Variants in KCNH7 observed in about 807,000 individuals in gnomAD.
KCNH7 encodes voltage-gated inwardly rectifying potassium channel KCNH7.
In KCNH7, 49 loss-of-function variants were observed where a neutral mutation model predicts 120.8. That is an observed-to-expected ratio of 0.41 (90% CI 0.32 to 0.51). KCNH7 has a LOEUF of 0.51. Ranked by LOEUF, KCNH7 falls within the 20% of genes least tolerant of loss-of-function variation. The pLI, the probability that KCNH7 is intolerant of heterozygous loss-of-function variation, is 0.38. For synonymous variants in KCNH7, 547 were observed against 516.1 expected (o/e 1.06, Z -0.81); for missense variants, 1,097 against 1,446.6 (o/e 0.76, Z 3.92).
At chr2:162,387,033 C>A (rs1176884647) in intron 12 of KCNH7, among the ~76,000 whole-genome samples, 2 of 150,792 alleles carry the variant, frequency 1.3e-5, no homozygotes, top group Non-Finnish European at 3.0e-5. Flanking sequence ...GGACAGAATT[C>A]TTTAGCAAAA....
At chr2:162,413,778 T>TA (rs914372223) in intron 9 of KCNH7, among the ~76,000 whole-genome samples, 40 of 149,972 alleles carry the variant, frequency 2.7e-4, no homozygotes, top group East Asian at 3.9e-4. Flanking sequence ...TAGATAATAT[T>TA]AAAAAAAAAC....
At chr2:162,601,477 C>G (rs1026408716) in intron 2 of KCNH7, among the ~76,000 whole-genome samples, 1 of 119,056 alleles carries the variant, frequency 8.4e-6, no homozygotes, top group Non-Finnish European at 1.6e-5. Flanking sequence ...TAAATCAGGA[C>G]ACAAATAACC....
intron 6 of KCNH7, among the ~76,000 whole-genome samples, chr2:162,498,491 T>TG (rs565323164): frequency 0.096 from 1,389 of 14,500 alleles, 21 homozygotes; most frequent in African/African-American, 0.26. Context: ...TCTGTGTGTG[T>TG]GGGGGGGAGG....
At chr2:162,492,556 C>T (rs576129963) in intron 6 of KCNH7, among the ~76,000 whole-genome samples, 1 of 152,266 alleles carries the variant, frequency 6.6e-6, no homozygotes, top group East Asian at 1.9e-4. Flanking sequence ...TTTCTTAAAT[C>T]TTCCCTTCCC....
At chr2:162,625,728 G>C (rs148870340) in intron 2 of KCNH7, among the ~76,000 whole-genome samples, 6 of 152,128 alleles carry the variant, frequency 3.9e-5, no homozygotes, top group Admixed American at 2.6e-4. Context: ...GAGCCGCAGC[G>C]TTGGGGATTA....
At chr2:162,529,107 T>G (rs1263352857) in intron 3 of KCNH7, among the ~76,000 whole-genome samples, 2 of 151,912 alleles carry the variant, frequency 1.3e-5, no homozygotes, top group Non-Finnish European at 2.9e-5. Flanking sequence ...CTAAAGGAGA[T>G]GTCTAGTGGG....
intron 2 of KCNH7, among the ~76,000 whole-genome samples, chr2:162,590,464 C>T (rs904492906): frequency 1.3e-5 from 2 of 152,082 alleles, no homozygotes; most frequent in Admixed American, 6.6e-5. Context: ...TGATGGGCAT[C>T]TTGATGGATC....
intron 2 of KCNH7, among the ~76,000 whole-genome samples, chr2:162,621,823 T>G (rs180968411): frequency 2.0e-4 from 31 of 152,306 alleles, no homozygotes; most frequent in Admixed American, 7.2e-4. Flanking sequence ...TGAAACAGGT[T>G]TATTTATTTA....
chr2:162,743,978 T>C (rs1688226458), intron 2 of KCNH7, among the ~76,000 whole-genome samples: 1 of 152,210 alleles, frequency 6.6e-6, no homozygotes, highest in Non-Finnish European at 1.5e-5. Flanking sequence ...AATGGATTTA[T>C]TTCAAGATAT....
In KCNH7 at chr2:162,802,798, G is replaced by A. The variant is rs147493403; in HGVS notation, c.307+33739C>T. ...ACATAAAGAACATCTCAATTCAGAA[G>A]CCAAATTTTTAGTGGTTCAAATTAA... On this transcript the variant is annotated intron_variant, in intron 2 of 15. Transcript: ENST00000332142. 9.9e-5 allele frequency among the ~76,000 whole-genome samples: 15 copies of A among 151,714 alleles called. No individual in the cohort carries two copies. In the East Asian group the frequency reaches 2.9e-3, roughly 29 times the overall value.
At chr2:162,562,317 G>A (rs1188796568) in intron 2 of KCNH7, among the ~76,000 whole-genome samples, 2 of 151,904 alleles carry the variant, frequency 1.3e-5, no homozygotes, top group East Asian at 1.9e-4. Flanking sequence ...TATTAAAATG[G>A]TGTTCATACA....
At position 162,435,448 on chromosome 2, in the gene KCNH7, G is replaced by A; in HGVS notation, c.1704C>T (p.Cys568=). The change falls in exon 8 of 16, where the codon TGC becomes TGT. Residue 568 remains cysteine (C), a synonymous_variant. Transcript: ENST00000332142. ...CTACATTCCCAATCGCATACCAAAT[G>A]CAAGCCAGCCAGTGAGCAATCAGGG... ...IFALIAHWLA[C]IWYAIGNVER... is the part of the protein sequence containing the mutation. 3 of 1,613,806 alleles carry A rather than the reference G, an allele frequency of 1.9e-6. No homozygotes were observed. The highest frequency in any genetic ancestry group is 2.2e-5 in the South Asian group (2 of 91,068).
chr2:162,565,757 C>A (rs993834965), intron 2 of KCNH7, among the ~76,000 whole-genome samples: 1 of 151,942 alleles, frequency 6.6e-6, no homozygotes, highest in African/African-American at 2.4e-5. Flanking sequence ...TAAAGTTTCA[C>A]CATCTGAAAA....
intron 2 of KCNH7, among the ~76,000 whole-genome samples, chr2:162,789,502 C>T (rs539693325): frequency 6.6e-6 from 1 of 152,028 alleles, no homozygotes; most frequent in Admixed American, 6.5e-5. Flanking sequence ...ACACTATAGA[C>T]CAAATGAACC....
chr2:162,592,593 G>A (rs1368355849), intron 2 of KCNH7, among the ~76,000 whole-genome samples: 1 of 152,020 alleles, frequency 6.6e-6, no homozygotes, highest in African/African-American at 2.4e-5. Flanking sequence ...CAAAATGCAA[G>A]CTGAAAAAAT....
intron 8 of KCNH7, among the ~76,000 whole-genome samples, chr2:162,434,431 A>G (rs562604680): frequency 1.1e-4 from 16 of 152,228 alleles, no homozygotes; most frequent in Middle Eastern, 3.4e-3. Context: ...TGAAAACAAA[A>G]ATCCATCATG....
chr2:162,754,988 A>G (rs1299840190), intron 2 of KCNH7, among the ~76,000 whole-genome samples: 1 of 150,736 alleles, frequency 6.6e-6, no homozygotes, highest in Non-Finnish European at 1.5e-5. Flanking sequence ...AAGTGCCACA[A>G]TAACACTCTT....
intron 2 of KCNH7, among the ~76,000 whole-genome samples, chr2:162,788,899 A>G (rs542009789): frequency 5.3e-5 from 8 of 151,824 alleles, no homozygotes; most frequent in African/African-American, 1.9e-4. Context: ...CCTATAACAT[A>G]CAAGGAAACC....
chr2:162,622,601 T>C (rs752124692), intron 2 of KCNH7, among the ~76,000 whole-genome samples: 28 of 152,136 alleles, frequency 1.8e-4, no homozygotes, highest in Non-Finnish European at 3.2e-4. Context: ...AAGAATGAAT[T>C]GATCTCTGAA....
Sources: gnomAD v4.1 joint callset for allele counts (sites outside exome capture counted in the v4.1 genomes callset) on GRCh38, gnomAD v4.1.1 for gene constraint, MANE v1.5 for transcripts, NCBI Gene and HGNC (gene_info 2026-07-23, HGNC 2026-07-21) for gene names.